Variants in DIP2C observed in about 807,000 individuals in gnomAD.
DIP2C encodes DIP2 acetate--CoA ligase C (putative).
A neutral mutation model predicts 192.4 loss-of-function variants in DIP2C; 33 were observed. The ratio of observed to expected loss-of-function variants is 0.17; its 90% CI spans 0.13 to 0.23. The LOEUF (loss-of-function observed/expected upper bound fraction) is 0.23, where lower values mean the gene tolerates loss of function less well. Ranked by LOEUF, DIP2C falls within the 10% of genes least tolerant of loss-of-function variation. DIP2C has a pLI of 1.00. For synonymous variants in DIP2C, 979 were observed against 864.1 expected (o/e 1.13, Z -2.33); for missense variants, 1,537 against 2,110.1 (o/e 0.73, Z 5.32).
intron 1 of DIP2C, among the ~76,000 whole-genome samples, chr10:510,249 G>A (rs1345430079): frequency 6.6e-6 from 1 of 152,174 alleles, no homozygotes; most frequent in Non-Finnish European, 1.5e-5. Flanking sequence ...TTAGAGATGA[G>A]GAAAATGCTG....
chr10:345,194 C>T (rs940877994), intron 26 of DIP2C, 84 bp from the exon 27 acceptor site: 11 of 1,271,178 alleles, frequency 8.7e-6, no homozygotes, highest in Admixed American at 2.0e-5. Context: ...CTGCTTACTA[C>T]ATACACTAAA....
At chr10:315,235 A>G (rs536748584) in intron 31 of DIP2C, among the ~76,000 whole-genome samples, 15 of 152,338 alleles carry the variant, frequency 9.8e-5, no homozygotes, top group African/African-American at 3.6e-4. Flanking sequence ...TTAAACAGTT[A>G]ATACTTTTAA....
intron 29 of DIP2C, among the ~76,000 whole-genome samples, chr10:338,835 G>GCTGCACGCTGCACC (rs1049461872): frequency 2.3e-5 from 2 of 88,008 alleles, no homozygotes; most frequent in Non-Finnish European, 4.6e-5. Context: ...CCACCTGCAC[G>GCTGCACGCTGCACC]CTGCACGCTG....
At chr10:385,243 T>C (rs768553276) in intron 14 of DIP2C, among the ~76,000 whole-genome samples, 1 of 151,924 alleles carries the variant, frequency 6.6e-6, no homozygotes, top group Admixed American at 6.6e-5. Flanking sequence ...TGGAGGCTCC[T>C]CAGTGTGGGA....
At chr10:605,219 C>T (rs563233259) in intron 1 of DIP2C, among the ~76,000 whole-genome samples, 6 of 152,196 alleles carry the variant, frequency 3.9e-5, no homozygotes. Flanking sequence ...ATGAAAGCAA[C>T]GTGTTCCTTT....
intron 1 of DIP2C, chr10:649,989 G>A (rs1052105510): frequency 1.4e-5 from 9 of 633,782 alleles, no homozygotes; most frequent in East Asian, 2.7e-5. Context: ...AGTGTTTGCC[G>A]TCCAAAGTTC....
chr10:507,297 C>T (rs1845672899), intron 1 of DIP2C, among the ~76,000 whole-genome samples: 1 of 149,410 alleles, frequency 6.7e-6, no homozygotes, highest in Non-Finnish European at 1.5e-5. Context: ...GGTTACAGAC[C>T]TAGTCACCAG....
intron 26 of DIP2C, 102 bp from the exon 27 acceptor site, chr10:345,212 A>G (rs952251053): frequency 1.3e-5 from 15 of 1,141,276 alleles, no homozygotes; most frequent in Non-Finnish European, 1.9e-5. Context: ...AAAACCATGT[A>G]GCTTTAACGG....
chr10:609,549 C>CA (rs1564266111), intron 1 of DIP2C, among the ~76,000 whole-genome samples: 1 of 152,170 alleles, frequency 6.6e-6, no homozygotes, highest in African/African-American at 2.4e-5. Context: ...AATTAAAAAA[C>CA]AATGTAAGTC....
chr10:431,727 T>C (rs534235934), intron 4 of DIP2C, among the ~76,000 whole-genome samples: 1 of 152,374 alleles, frequency 6.6e-6, no homozygotes, highest in Admixed American at 6.5e-5. Context: ...AATATGTATT[T>C]ATTTTTCTTG....
intron 26 of DIP2C, among the ~76,000 whole-genome samples, chr10:346,474 A>G (rs1958463951): frequency 8.8e-6 from 1 of 113,214 alleles, no homozygotes; most frequent in African/African-American, 3.9e-5. Flanking sequence ...CACATCGCGC[A>G]TAGTTCTCCC....
In DIP2C at chr10:401,751, G is replaced by A. The variant is rs1297057270; in HGVS notation, c.1150-2532C>T. Among the ~76,000 whole-genome samples the A allele has an allele frequency of 1.1e-4, 16 of 149,422 alleles. 1 individual carries two copies. Among genetic ancestry groups the A allele is most frequent in the African/African-American group, 2.5e-4 (10 of 40,686 alleles). ...GCACATGAATCCTGTGATTTTACAC[G>A]TGTGGCAGCATTAGCATTACTCTTC... On this transcript the variant is annotated intron_variant, in intron 9 of 36. Transcript: ENST00000280886.
At chr10:468,834 A>G (rs1356209155) in intron 3 of DIP2C, among the ~76,000 whole-genome samples, 1 of 152,228 alleles carries the variant, frequency 6.6e-6, no homozygotes, top group African/African-American at 2.4e-5. Context: ...GCATCCATGG[A>G]GTAATAGTGC....
At chr10:554,224 C>T (rs558836786) in intron 1 of DIP2C, among the ~76,000 whole-genome samples, 22 of 151,980 alleles carry the variant, frequency 1.4e-4, no homozygotes, top group Non-Finnish European at 2.6e-4. Flanking sequence ...CTAACAGTGG[C>T]GAACAGGCAG....
chr10:577,823 G>GTT (rs35201000), intron 1 of DIP2C, among the ~76,000 whole-genome samples: 9,881 of 143,872 alleles, frequency 0.069, 1,059 homozygotes, highest in African/African-American at 0.23. Flanking sequence ...GTTTTTTTGT[G>GTT]TTTTTTTTTT....
chr10:486,223 G>A (rs544540408), intron 2 of DIP2C, among the ~76,000 whole-genome samples: 1 of 152,180 alleles, frequency 6.6e-6, no homozygotes, highest in Non-Finnish European at 1.5e-5. Context: ...ACCCAATACC[G>A]ATCTCTACTT....
At position 484,998 on chromosome 10, in the gene DIP2C, A is replaced by T. The variant is rs758859854; in HGVS notation, c.157+1461T>A. On this transcript the variant is annotated intron_variant, in intron 2 of 36. Transcript: ENST00000280886. ...ATTAATTCAAACTTTAGTTTTTTTT[A>T]AATTTGTTACAGCGCTGAGCAGAGC... 89 of 1,531,016 alleles carry T rather than the reference A, an allele frequency of 5.8e-5. No homozygotes were observed. The Middle Eastern group carries it at 8.5e-4, about 15-fold the overall frequency. The allele number at this position is 1,531,016 out of a possible 1,614,324, so 94.8% of individuals were successfully genotyped here.
At chr10:480,924 C>A (rs1260022810) in intron 2 of DIP2C, among the ~76,000 whole-genome samples, 5 of 152,196 alleles carry the variant, frequency 3.3e-5, no homozygotes, top group Non-Finnish European at 7.4e-5. Flanking sequence ...TGGACACCCA[C>A]GTTTCCCCTC....
At chr10:552,828 G>A (rs994576419) in intron 1 of DIP2C, among the ~76,000 whole-genome samples, 4 of 152,268 alleles carry the variant, frequency 2.6e-5, no homozygotes, top group South Asian at 2.1e-4. Flanking sequence ...CAGCCTGGGC[G>A]CCAGAGCAAG....
Sources: gnomAD v4.1 joint callset for allele counts (sites outside exome capture counted in the v4.1 genomes callset) on GRCh38, gnomAD v4.1.1 for gene constraint, MANE v1.5 for transcripts, NCBI Gene and HGNC (gene_info 2026-07-23, HGNC 2026-07-21) for gene names.